PPIL4: variants seen among roughly 807,000 people sequenced by gnomAD.
PPIL4 encodes the protein peptidyl-prolyl cis-trans isomerase-like 4.
In PPIL4, 50 loss-of-function variants were observed where a neutral mutation model predicts 69.1. The ratio of observed to expected loss-of-function variants is 0.72; its 90% CI spans 0.58 to 0.92. PPIL4 has a LOEUF of 0.92. Ranked by LOEUF, PPIL4 falls within the 40% of genes least tolerant of loss-of-function variation. The pLI, the probability that PPIL4 is intolerant of heterozygous loss-of-function variation, is 0.00. For synonymous variants in PPIL4, 193 were observed against 191.6 expected, an observed-to-expected ratio of 1.01 and a Z score of -0.06; for missense variants, 480 against 587.9, an observed-to-expected ratio of 0.82 and a Z score of 1.90.
chr6:149,512,467 T>C (rs1308469290), intron 11 of PPIL4, among the ~76,000 whole-genome samples, 165 bp from the exon 12 acceptor site: 1 of 152,148 alleles, frequency 6.6e-6, no homozygotes, highest in East Asian at 1.9e-4. Flanking sequence ...TTTCTTTCAT[T>C]ATATAGTCAG....
At chr6:149,538,877 T>G (rs1777319068) in intron 4 of PPIL4, among the ~76,000 whole-genome samples, 1 of 152,006 alleles carries the variant, frequency 6.6e-6, no homozygotes, top group Admixed American at 6.6e-5. Flanking sequence ...GAGACAGTCT[T>G]GCTGCATCGC....
chr6:149,536,138 C>A (rs1215100622), intron 4 of PPIL4, among the ~76,000 whole-genome samples: 1 of 152,154 alleles, frequency 6.6e-6, no homozygotes, highest in African/African-American at 2.4e-5. Context: ...TGTTTTGGGG[C>A]ACCACAAACT....
chr6:149,521,333 C>G (rs1390918905), intron 9 of PPIL4, among the ~76,000 whole-genome samples, 162 bp from the exon 10 acceptor site: 1 of 152,134 alleles, frequency 6.6e-6, no homozygotes, highest in Non-Finnish European at 1.5e-5. Flanking sequence ...CCTCAAATAC[C>G]TCTGGTAACA....
chr6:149,514,518 C>T (rs1202812053), intron 11 of PPIL4, among the ~76,000 whole-genome samples: 1 of 152,096 alleles, frequency 6.6e-6, no homozygotes, highest in Non-Finnish European at 1.5e-5. Context: ...GACAGGGTTT[C>T]GCCACGTTGG....
At chr6:149,537,662 C>T (rs1214171093) in intron 4 of PPIL4, among the ~76,000 whole-genome samples, 10 of 150,584 alleles carry the variant, frequency 6.6e-5, no homozygotes, top group Admixed American at 2.6e-4. Flanking sequence ...GCAGAGATTG[C>T]GCCACTGCAC....
intron 12 of PPIL4, among the ~76,000 whole-genome samples, chr6:149,505,969 A>G (rs544539716): frequency 1.3e-5 from 2 of 152,344 alleles, no homozygotes; most frequent in South Asian, 2.1e-4. Flanking sequence ...AAATAGCTCA[A>G]CTGAAATCAG....
At chr6:149,520,784 C>T (rs1363232472) in intron 10 of PPIL4, among the ~76,000 whole-genome samples, 7 of 152,002 alleles carry the variant, frequency 4.6e-5, no homozygotes, top group South Asian at 2.1e-4. Context: ...GAGGCCAAGG[C>T]GGTGGATTAC....
intron 11 of PPIL4, among the ~76,000 whole-genome samples, chr6:149,512,601 G>A (rs1048906805): frequency 1.3e-5 from 2 of 152,084 alleles, no homozygotes; most frequent in Non-Finnish European, 2.9e-5. Context: ...GAAAATGAGG[G>A]ACATCTTTAA....
intron 8 of PPIL4, among the ~76,000 whole-genome samples, 189 bp downstream of exon 8, chr6:149,526,463 T>C (rs1379253052): frequency 2.0e-5 from 3 of 152,148 alleles, no homozygotes. Context: ...TGTGTGTGTG[T>C]GCACGTATGT....
chr6:149,545,791 G>A (rs1431621884), intron 1 of PPIL4, 145 bp downstream of exon 1: 2 of 719,476 alleles, frequency 2.8e-6, no homozygotes, highest in African/African-American at 3.6e-5. Flanking sequence ...AGCCAAGGCC[G>A]GTTAATAAAA....
At chr6:149,517,558 G>A (rs780356731) in intron 10 of PPIL4, 108 bp from the exon 11 acceptor site, 6 of 539,452 alleles carry the variant, frequency 1.1e-5, no homozygotes, top group African/African-American at 5.8e-5. Context: ...GGCATATATC[G>A]AGAGACAGAG....
chr6:149,534,309 C>T (rs1777241301), intron 6 of PPIL4, among the ~76,000 whole-genome samples: 1 of 152,186 alleles, frequency 6.6e-6, no homozygotes, highest in Admixed American at 6.5e-5. Flanking sequence ...TGTGGGGGAA[C>T]AGTCTGCGCT....
intron 4 of PPIL4, among the ~76,000 whole-genome samples, chr6:149,540,268 TAAAC>T (rs929362983): frequency 1.3e-5 from 2 of 152,284 alleles, no homozygotes; most frequent in Admixed American, 6.5e-5. Flanking sequence ...TTGGGAGAAT[TAAAC>T]AAGACAATGA....
At chr6:149,515,277 G>A (rs571173896) in intron 11 of PPIL4, among the ~76,000 whole-genome samples, 74 of 151,318 alleles carry the variant, frequency 4.9e-4, no homozygotes, top group African/African-American at 1.8e-3. Context: ...ATGAGCCACT[G>A]CACCCAGCCT....
Position 149,541,042 on chromosome 6 carries a change from T to C in PPIL4, c.221A>G (p.Gln74Arg). Residue 74 changes from glutamine (Q) to arginine (R), a missense_variant, in exon 4 of 13, where the codon CAA (glutamine) becomes CGA (arginine). Coordinates refer to ENST00000253329, the MANE Select transcript of PPIL4 (RefSeq NM_139126.4). Reference protein sequence around the residue: ...ESIFGQLYGDQASFFEAEKVP... With the variant: ...ESIFGQLYGDRASFFEAEKVP... ...TTTTTCTGCCTCAAAAAAGCTTGCT[T>C]GATCACCATACAGTTGGCTGAAAAA... 1 of 1,609,734 alleles carries C rather than the reference T, an allele frequency of 6.2e-7. No homozygotes were observed. Among genetic ancestry groups the C allele is most frequent in the South Asian group, 1.1e-5 (1 of 90,900 alleles).
chr6:149,520,034 G>T (rs1265173496), intron 10 of PPIL4, among the ~76,000 whole-genome samples: 4 of 152,130 alleles, frequency 2.6e-5, no homozygotes, highest in Non-Finnish European at 5.9e-5. Context: ...ATGTACAAAG[G>T]TGGAACATAC....
intron 12 of PPIL4, among the ~76,000 whole-genome samples, chr6:149,508,423 C>CA (rs1776797015): frequency 6.6e-6 from 1 of 151,126 alleles, no homozygotes; most frequent in South Asian, 2.1e-4. Context: ...TACCATGTGG[C>CA]AAAAAAAGAA....
In PPIL4 at chr6:149,505,847, T is replaced by G. The variant is rs1261102072; in HGVS notation, c.1228-143A>C. On this transcript the variant is annotated intron_variant, in intron 12 of 12. Coordinates refer to ENST00000253329, the MANE Select transcript of PPIL4 (RefSeq NM_139126.4). Reference sequence around the variant, plus strand: ...TGAACACTACCACTAATGTCAAGAATCTTGTAAATTACAAAGCAATAAAAT... The same window carrying G: ...TGAACACTACCACTAATGTCAAGAAGCTTGTAAATTACAAAGCAATAAAAT... 6.0e-6 allele frequency: 4 copies of G among 667,904 alleles called. No individual in the cohort carries two copies. The East Asian group carries it at 1.1e-4, about 18-fold the overall frequency. 41.4% of individuals were successfully genotyped at this position (667,904 alleles called of 1,614,324 possible). A position where few individuals can be genotyped will look rare whatever the true frequency, so the allele number is the denominator to read the frequency against.
At chr6:149,527,301 T>C (rs1777122695) in intron 7 of PPIL4, among the ~76,000 whole-genome samples, 1 of 152,162 alleles carries the variant, frequency 6.6e-6, no homozygotes, top group Admixed American at 6.5e-5. Flanking sequence ...GAGGTTGCAG[T>C]GAGCTACGCC....
Sources: gnomAD v4.1 joint callset for allele counts (sites outside exome capture counted in the v4.1 genomes callset) on GRCh38, gnomAD v4.1.1 for gene constraint, MANE v1.5 for transcripts, NCBI Gene and HGNC (gene_info 2026-07-23, HGNC 2026-07-21) for gene names.